The following PHF8 variants were observed in gnomAD, a reference collection of about 807,000 sequenced individuals.
PHF8 encodes PHD finger protein 8, also known as histone lysine demethylase PHF8.
PHF8 carries 9 observed loss-of-function variants against 74.4 expected under a neutral mutation model. The observed-to-expected ratio is 0.12, with a 90% CI of 0.07 to 0.21. The LOEUF is 0.21. Among genes scored for constraint, PHF8 ranks in the 10% least tolerant of loss-of-function variants. The pLI, the probability that PHF8 is intolerant of heterozygous loss-of-function variation, is 1.00. For synonymous variants in PHF8, 311 were observed against 316.6 expected (o/e 0.98, Z 0.19); for missense variants, 478 against 816.6 (o/e 0.59, Z 5.05).
At position 53,987,941 on chromosome X, in the gene PHF8, C is replaced by T. The variant is rs369182537; in HGVS notation, c.1734G>A (p.Thr578=). ...PLALLMSNGS[T]KRVKSLSKSR... ...ATTTGGATAAACTCTTCACCCTTTT[C>T]GTACTGAAGGGAAGGAGAACATAAA... Residue 578 remains threonine (T), a synonymous_variant, in exon 15 of 22, where the codon ACG becomes ACA. Coordinates refer to ENST00000338154, the MANE Select transcript of PHF8 (RefSeq NM_015107.3). 21 of 1,197,288 alleles carry T rather than the reference C, an allele frequency of 1.8e-5. No homozygotes were observed. The highest frequency in any genetic ancestry group is 5.9e-5 in the East Asian group (2 of 33,721).
chrX:54,044,771 C>A, upstream of PHF8: 1 of 637,621 alleles, frequency 1.6e-6, no homozygotes, highest in Non-Finnish European at 2.4e-6. Context: ...TCCTCCCCAG[C>A]CTTCTCCTCC....
intron 18 of PHF8, among the ~76,000 whole-genome samples, chrX:53,966,369 C>T (rs868940915): frequency 5.3e-5 from 6 of 112,413 alleles, no homozygotes; most frequent in East Asian, 2.8e-4. Context: ...GTGCCTGCGA[C>T]TGCAGGCGCG....
intron 6 of PHF8, among the ~76,000 whole-genome samples, chrX:54,014,895 T>A (rs1184351928): frequency 1.8e-5 from 2 of 111,852 alleles, no homozygotes; most frequent in African/African-American, 6.5e-5. Flanking sequence ...ACTATCCCCA[T>A]CTCATAGTGT....
Position 54,044,028 on chromosome X carries a change from C to T in PHF8, c.-359G>A, listed in dbSNP as rs950280290. ...ATAGTCCCCGTACCGCCGGGAACCT[C>T]GCTCGCCTTCCCCTCGAGCCCCCCG... is the stretch of plus-strand genomic sequence containing the variant. On this transcript the variant is annotated 5_prime_UTR_variant, in exon 1 of 22. Coordinates refer to ENST00000338154, the MANE Select transcript of PHF8 (RefSeq NM_015107.3). The T allele has an allele frequency of 5.3e-5, 40 of 754,354 alleles. No homozygotes were observed. Among genetic ancestry groups the T allele is most frequent in the Middle Eastern group, 7.4e-4 (1 of 1,345 alleles). 62.2% of individuals were successfully genotyped at this position (754,354 alleles called of 1,213,427 possible). A position where few individuals can be genotyped will look rare whatever the true frequency, so the allele number is the denominator to read the frequency against.
At chrX:53,990,788 T>C (rs936395785) in intron 14 of PHF8, among the ~76,000 whole-genome samples, 7 of 111,779 alleles carry the variant, frequency 6.3e-5, no homozygotes, top group Non-Finnish European at 7.5e-5. Flanking sequence ...TGACTGCTGA[T>C]GTCTAGTGTT....
rs781960267 is a variant in PHF8, at chrX:53,982,337, T to C, written c.2443+2577A>G. ...CAAAGTCTGTGGTAACTAACCTACA[T>C]GGTATTGTCACAGGAATAGACAAGT... is the stretch of plus-strand genomic sequence containing the variant. On this transcript the variant is annotated intron_variant, in intron 18 of 21. Transcript: ENST00000338154. 1.3e-4 allele frequency among the ~76,000 whole-genome samples: 15 copies of C among 112,853 alleles called. No individual in the cohort carries two copies. The South Asian group carries it at 5.5e-3, about 41-fold the overall frequency.
chrX:54,021,763 C>T (rs897244930), intron 4 of PHF8, among the ~76,000 whole-genome samples: 34 of 110,738 alleles, frequency 3.1e-4, no homozygotes, highest in Non-Finnish European at 6.2e-4. Flanking sequence ...CCACCGCGCC[C>T]GGCCAGTTGC....
At chrX:53,962,987 G>A in intron 18 of PHF8, 48 bp from the exon 19 acceptor site, 1 of 798,917 alleles carries the variant, frequency 1.3e-6, no homozygotes, top group African/African-American at 2.0e-5. Flanking sequence ...CATCCAAAGG[G>A]TGAAGATAGA....
intron 2 of PHF8, among the ~76,000 whole-genome samples, chrX:54,032,455 G>A (rs782169379): frequency 2.7e-5 from 3 of 109,635 alleles, no homozygotes; most frequent in Non-Finnish European, 5.7e-5. Context: ...TCCCCACTTG[G>A]GTCCTTTATG....
At chrX:53,955,396 A>G (rs1053381392) in intron 19 of PHF8, among the ~76,000 whole-genome samples, 7 of 109,366 alleles carry the variant, frequency 6.4e-5, no homozygotes, top group South Asian at 3.9e-4. Context: ...TGTGTTTTCT[A>G]TATCGATTAT....
chrX:54,048,861 A>T (rs1557117795), upstream of PHF8: 2 of 112,525 alleles, frequency 1.8e-5, no homozygotes, highest in Non-Finnish European at 3.7e-5. Context: ...TCAAACAGCC[A>T]GGCTGAACTT....
intron 2 of PHF8, among the ~76,000 whole-genome samples, chrX:54,042,140 T>C (rs938674888): frequency 1.8e-5 from 2 of 109,646 alleles, no homozygotes; most frequent in African/African-American, 6.6e-5. Flanking sequence ...CCGTCTCTAC[T>C]AAAAATACAA....
intron 7 of PHF8, 147 bp downstream of exon 7, chrX:54,014,230 C>T: frequency 4.2e-6 from 2 of 478,801 alleles, no homozygotes; most frequent in South Asian, 2.8e-5. Flanking sequence ...GCTGGGATTA[C>T]AGGCGTGAGC....
chrX:54,009,746 G>A (rs1557106263), intron 8 of PHF8, among the ~76,000 whole-genome samples: 1 of 101,781 alleles, frequency 9.8e-6, no homozygotes, highest in Non-Finnish European at 2.0e-5. Context: ...AGGAGGCTGA[G>A]GCAAGAGAAT....
rs1293287904 is a variant in PHF8 at position 53,989,898 on chromosome X, T to C, written c.1731-1954A>G. On this transcript the variant is annotated intron_variant, in intron 14 of 21. Transcript: ENST00000338154. ...ACTCTCAGTTTTCACCTTAGTAAAA[T>C]GGGGATACTACTACTTACTTTTGGG... is the stretch of plus-strand genomic sequence containing the variant. 3.6e-5 allele frequency among the ~76,000 whole-genome samples: 4 copies of C among 111,963 alleles called. No individual in the cohort carries two copies. The Admixed American group carries it at 3.8e-4, about 11-fold the overall frequency.
At position 53,992,187 on chromosome X, in the gene PHF8, G is replaced by C. The variant is rs905967309; in HGVS notation, c.1730+549C>G. Among the ~76,000 whole-genome samples the C allele has an allele frequency of 4.3e-4, 48 of 111,787 alleles. 1 individual carries two copies. The highest frequency in any genetic ancestry group is 6.8e-4 in the Non-Finnish European group (36 of 53,169). On this transcript the variant is annotated intron_variant, in intron 14 of 21. Transcript: ENST00000338154. Reference sequence around the variant, plus strand: ...AAAAATATACCTTGAACATCTTTCTGTGTCAATATTTAACTGTCTCATTCT... The same window carrying C: ...AAAAATATACCTTGAACATCTTTCTCTGTCAATATTTAACTGTCTCATTCT...
intron 19 of PHF8, among the ~76,000 whole-genome samples, chrX:53,952,027 TGTAATCCCAGCACTTTGGG>T (rs2064931498): frequency 9.0e-6 from 1 of 110,784 alleles, no homozygotes; most frequent in African/African-American, 3.3e-5. Flanking sequence ...GGCTCATGCC[TGTAATCCCAGCACTTTGGG>T]AGGCCGAAGC....
At chrX:53,988,715 A>G (rs1205904895) in intron 14 of PHF8, among the ~76,000 whole-genome samples, 1 of 98,156 alleles carries the variant, frequency 1.0e-5, no homozygotes, top group Non-Finnish European at 2.0e-5. Flanking sequence ...TCCGCCTCTC[A>G]GGTTCAAGTA....
intron 2 of PHF8, among the ~76,000 whole-genome samples, chrX:54,024,129 A>C (rs1226557764): frequency 8.9e-6 from 1 of 111,985 alleles, no homozygotes; most frequent in Non-Finnish European, 1.9e-5. Flanking sequence ...ATGTATATAA[A>C]GTGCACAGCA....
Sources: allele counts gnomAD v4.1 joint callset (sites outside exome capture counted in the v4.1 genomes callset), GRCh38; gene constraint gnomAD v4.1.1; transcripts MANE v1.5; gene names NCBI Gene and HGNC (gene_info 2026-07-23, HGNC 2026-07-21).